GUCY2C: variants seen among roughly 807,000 people sequenced by gnomAD.
GUCY2C encodes the protein guanylyl cyclase C.
In GUCY2C, 118 loss-of-function variants were observed where a neutral mutation model predicts 131.1. That is an observed-to-expected ratio of 0.90 (90% confidence interval 0.78 to 1.05). The LOEUF (loss-of-function observed/expected upper bound fraction) is 1.05, where lower values mean the gene tolerates loss of function less well. Ranked by LOEUF, GUCY2C falls within the 50% of genes least tolerant of loss-of-function variation. GUCY2C has a pLI of 0.00. For synonymous variants in GUCY2C, 452 were observed against 457.8 expected, an observed-to-expected ratio of 0.99 and a Z score of 0.16; for missense variants, 1,161 against 1,304.4, an observed-to-expected ratio of 0.89 and a Z score of 1.69.
At chr12:14,637,110 C>T (rs1177276559) in intron 19 of GUCY2C, among the ~76,000 whole-genome samples, 2 of 135,114 alleles carry the variant, frequency 1.5e-5, no homozygotes, top group African/African-American at 5.5e-5. Flanking sequence ...AATTAACATA[C>T]AAAAATCGGT....
chr12:14,676,778 G>T, intron 7 of GUCY2C, 76 bp downstream of exon 7: 1 of 408,166 alleles, frequency 2.4e-6, no homozygotes, highest in South Asian at 9.2e-5. Context: ...GGTCCTAAAT[G>T]GAGAAAAATT....
chr12:14,645,564 G>T (rs1285443057), intron 15 of GUCY2C, among the ~76,000 whole-genome samples: 1 of 152,152 alleles, frequency 6.6e-6, no homozygotes, highest in African/African-American at 2.4e-5. Flanking sequence ...TCTTCCATCA[G>T]ACAGGTGTAG....
At chr12:14,621,891 T>A (rs1473737560) in intron 22 of GUCY2C, 114 bp downstream of exon 22, 1 of 656,874 alleles carries the variant, frequency 1.5e-6, no homozygotes. Flanking sequence ...AACCACCAAT[T>A]CACTAAATGT....
intron 19 of GUCY2C, among the ~76,000 whole-genome samples, chr12:14,634,907 A>G (rs192834420): frequency 4.6e-5 from 7 of 152,350 alleles, no homozygotes; most frequent in Admixed American, 1.3e-4. Context: ...CAATTCAGCA[A>G]GAGGATATAA....
chr12:14,626,892 G>A (rs2136992234), intron 20 of GUCY2C, among the ~76,000 whole-genome samples: 1 of 152,228 alleles, frequency 6.6e-6, no homozygotes, highest in African/African-American at 2.4e-5. Flanking sequence ...GAAACAATTT[G>A]CAATGAAGGA....
In GUCY2C at chr12:14,643,676, C is replaced by T. The variant is rs55897626; in HGVS notation, c.1828G>A (p.Glu610Lys). Residue 610 changes from glutamate (E) to lysine (K), a missense_variant, in exon 17 of 27, where the codon GAA (glutamate) becomes AAA (lysine). Physicochemically the swap from Glu to Lys is moderately conservative, Grantham distance 56 (BLOSUM62 1). Coordinates refer to ENST00000261170, the MANE Select transcript of GUCY2C (RefSeq NM_004963.4). ...GMSYLHSSKTEVHGRLKSTNC... is the reference protein window; with the variant it reads ...GMSYLHSSKTKVHGRLKSTNC... ...GTAGATTTCAGACGACCATGGACTT[C>T]TGTCTTACTGGAGTGCAGATATGAC... The T allele has an allele frequency of 1.2e-6, 2 of 1,613,344 alleles. No individual in the cohort carries two copies. Among genetic ancestry groups the T allele is most frequent in the Non-Finnish European group, 1.7e-6 (2 of 1,179,294 alleles).
chr12:14,689,818 G>A (rs1948543633), intron 1 of GUCY2C, among the ~76,000 whole-genome samples: 1 of 152,146 alleles, frequency 6.6e-6, no homozygotes, highest in Admixed American at 6.5e-5. Context: ...TTTAGACCCT[G>A]TCTCTCCTGG....
At chr12:14,675,245 AGAAAG>A (rs1948208451) in intron 7 of GUCY2C, among the ~76,000 whole-genome samples, 1 of 142,476 alleles carries the variant, frequency 7.0e-6, no homozygotes, top group Non-Finnish European at 1.5e-5. Context: ...AAAGAAAGAA[AGAAAG>A]AAAAAAAACT....
chr12:14,661,638 C>T (rs1947868683), intron 10 of GUCY2C, among the ~76,000 whole-genome samples: 1 of 152,000 alleles, frequency 6.6e-6, no homozygotes, highest in African/African-American at 2.4e-5. Context: ...GGGGTTTCGC[C>T]ATGTTGCTGG....
chr12:14,655,438 G>A (rs927967048), intron 12 of GUCY2C, among the ~76,000 whole-genome samples: 6 of 152,176 alleles, frequency 3.9e-5, no homozygotes, highest in Admixed American at 6.5e-5. Context: ...TCTGAAAGAA[G>A]GGAAGACCTG....
intron 15 of GUCY2C, among the ~76,000 whole-genome samples, chr12:14,650,664 C>T (rs184956821): frequency 9.2e-5 from 14 of 152,304 alleles, no homozygotes; most frequent in Admixed American, 7.2e-4. Context: ...TAGTCCCTCA[C>T]GGGCTTGCTT....
chr12:14,692,525 T>TA (rs1948593068), intron 1 of GUCY2C, among the ~76,000 whole-genome samples: 2 of 152,230 alleles, frequency 1.3e-5, no homozygotes, highest in African/African-American at 4.8e-5. Context: ...ACATAACTCT[T>TA]CAGCACCCTC....
intron 15 of GUCY2C, among the ~76,000 whole-genome samples, chr12:14,649,217 C>G (rs960398850): frequency 6.6e-6 from 1 of 152,048 alleles, no homozygotes; most frequent in Non-Finnish European, 1.5e-5. Context: ...CTTTTCTCAC[C>G]CCCACCACCC....
In GUCY2C at chr12:14,613,336, A is replaced by G. The variant is rs752574921; in HGVS notation, c.3048-45T>C. The G allele has an allele frequency of 7.2e-7, 1 of 1,387,706 alleles. No homozygotes were observed. Among genetic ancestry groups the G allele is most frequent in the South Asian group, 1.2e-5 (1 of 86,566 alleles). The allele number at this position is 1,387,706 out of a possible 1,614,324, so 86.0% of individuals were successfully genotyped here. On this transcript the variant is annotated intron_variant, in intron 26 of 26. Coordinates refer to ENST00000261170, the MANE Select transcript of GUCY2C (RefSeq NM_004963.4). This position sits in a 1 kb window ranked among gnomAD's most constrained non-coding sequence, Gnocchi z 4.9. ...AGAAAATAGAACTTCTCAGCAATTC[A>G]TACAGAATATTCCTTAGCTCCAGAA...
At chr12:14,636,261 A>T (rs759683257) in intron 19 of GUCY2C, among the ~76,000 whole-genome samples, 2 of 152,238 alleles carry the variant, frequency 1.3e-5, no homozygotes, top group Non-Finnish European at 2.9e-5. Context: ...ATACGCCATG[A>T]TCAAGTGGGA....
chr12:14,674,786 A>G (rs747105735), intron 7 of GUCY2C, 26 bp from the exon 8 acceptor site: 3 of 1,564,900 alleles, frequency 1.9e-6, no homozygotes, highest in Middle Eastern at 1.7e-4. Context: ...AAATATTAAA[A>G]CGGGTCCTTC....
At chr12:14,639,754 T>C (rs1431220771) in intron 19 of GUCY2C, 108 bp downstream of exon 19, 4 of 719,924 alleles carry the variant, frequency 5.6e-6, no homozygotes, top group Admixed American at 2.2e-5. Context: ...GATTTCAGAC[T>C]TCTAGTCTCC....
intron 3 of GUCY2C, among the ~76,000 whole-genome samples, chr12:14,683,972 A>G (rs913886250): frequency 3.3e-5 from 5 of 152,066 alleles, no homozygotes; most frequent in Non-Finnish European, 7.4e-5. Flanking sequence ...TCTACCTTCA[A>G]ATATCTTTGC....
chr12:14,684,980 T>G (rs1010533476), intron 3 of GUCY2C, among the ~76,000 whole-genome samples: 2 of 152,138 alleles, frequency 1.3e-5, no homozygotes, highest in African/African-American at 4.8e-5. Context: ...CCCTGCCCTC[T>G]GCAGTTTCCT....
Sources: allele counts gnomAD v4.1 joint callset (sites outside exome capture counted in the v4.1 genomes callset), GRCh38; gene constraint gnomAD v4.1.1; non-coding constraint Gnocchi (gnomAD v3.1); transcripts MANE v1.5; gene names NCBI Gene and HGNC (gene_info 2026-07-23, HGNC 2026-07-21).